Variants in GALNT9 observed in about 807,000 individuals in gnomAD.
The protein encoded by GALNT9 is GalNAc transferase 9.
A neutral mutation model predicts 63.1 loss-of-function variants in GALNT9; 47 were observed. The ratio of observed to expected loss-of-function variants is 0.75; its 90% CI spans 0.59 to 0.95. The LOEUF (loss-of-function observed/expected upper bound fraction) is 0.95, where lower values mean the gene tolerates loss of function less well. GALNT9 is among the 40% of genes least tolerant of loss of function. The pLI, the probability that GALNT9 is intolerant of heterozygous loss-of-function variation, is 0.00. For synonymous variants in GALNT9, 396 were observed against 365.7 expected (o/e 1.08, Z -0.94); for missense variants, 829 against 874.8 (o/e 0.95, Z 0.66).
intron 6 of GALNT9, among the ~76,000 whole-genome samples, chr12:132,217,676 T>TC (rs1877271122): frequency 6.9e-6 from 1 of 145,668 alleles, no homozygotes; most frequent in African/African-American, 2.6e-5. Flanking sequence ...TATCCATCCA[T>TC]CTACCTACTC....
chr12:132,317,766 C>G (rs1321584509), intron 1 of GALNT9, among the ~76,000 whole-genome samples: 1 of 152,196 alleles, frequency 6.6e-6, no homozygotes, highest in Non-Finnish European at 1.5e-5. Flanking sequence ...CCAGCCTTGT[C>G]CCTTCCAACC....
At position 132,329,035 on chromosome 12, in the gene GALNT9, G is replaced by T; in HGVS notation, c.169C>A (p.Leu57Met). 2 of 1,545,526 alleles carry T rather than the reference G, an allele frequency of 1.3e-6. No homozygotes were observed. The highest frequency in any genetic ancestry group is 1.7e-6 in the Non-Finnish European group (2 of 1,146,118). Residue 57 changes from leucine to methionine, a missense_variant, in exon 1 of 11, where the codon CTG (leucine) becomes ATG (methionine). Transcript: ENST00000328957. ...VRSRHAKVGT[L>M]GDREAILQRL... The stretch of plus-strand genomic sequence containing the variant: ...TGCAGGATGGCCTCACGGTCCCCCA[G>T]CGTGCCCACCTTGGCGTGTCGGCTG...
chr12:132,262,804 TG>T (rs1399107829), intron 2 of GALNT9, among the ~76,000 whole-genome samples, 179 bp from the exon 3 acceptor site: 1 of 128,382 alleles, frequency 7.8e-6, no homozygotes, highest in African/African-American at 3.8e-5. Context: ...GTTTGGGGTG[TG>T]GTCAGGGCGC....
At chr12:132,328,762 G>T (rs920353610) in intron 1 of GALNT9, among the ~76,000 whole-genome samples, 2 of 152,250 alleles carry the variant, frequency 1.3e-5, no homozygotes, top group Non-Finnish European at 2.9e-5. Flanking sequence ...CACTGGAGGG[G>T]TGGGTGCCCG....
intron 6 of GALNT9, among the ~76,000 whole-genome samples, chr12:132,208,444 C>A (rs935647860): frequency 6.6e-6 from 1 of 152,266 alleles, no homozygotes; most frequent in Non-Finnish European, 1.5e-5. Context: ...GACGCTATCA[C>A]CCTAGGCCTT....
chr12:132,321,418 T>C (rs1467064963), intron 1 of GALNT9, among the ~76,000 whole-genome samples: 2 of 152,120 alleles, frequency 1.3e-5, no homozygotes, highest in East Asian at 3.9e-4. Context: ...CCACCAGAGA[T>C]GGGACCTCAG....
chr12:132,253,096 A>C (rs1228147130), intron 5 of GALNT9, among the ~76,000 whole-genome samples: 1 of 152,188 alleles, frequency 6.6e-6, no homozygotes, highest in Non-Finnish European at 1.5e-5. Context: ...GTTTTCTTCT[A>C]TGCACTTATA....
chr12:132,224,911 A>G (rs1378206929), intron 6 of GALNT9, among the ~76,000 whole-genome samples: 3 of 143,304 alleles, frequency 2.1e-5, no homozygotes, highest in Non-Finnish European at 4.6e-5. Context: ...CACACTGTAT[A>G]TACACGTGCC....
chr12:132,257,756 G>A lies in GALNT9; in HGVS notation c.892C>T (p.Leu298Phe). The change falls in exon 5 of 11, where the codon CTC becomes TTC. Residue 298 changes from leucine (L) to phenylalanine (F), a missense_variant. By Grantham distance (22) the Leu-to-Phe change is conservative. Coordinates refer to ENST00000328957, the MANE Select transcript of GALNT9 (RefSeq NM_001122636.2). ...GGGGGGATGATGTACATGCACCAGA[G>A]GCCCCAGTTGTAGCCATGGGCGGCG... The part of the protein sequence containing the change: ...ANAAHGYNWG[L>F]WCMYIIPPQD... The A allele has an allele frequency of 6.4e-7, 1 of 1,550,504 alleles. No homozygotes were observed. Among genetic ancestry groups the A allele is most frequent in the Non-Finnish European group, 8.7e-7 (1 of 1,146,834 alleles).
In GALNT9 at chr12:132,212,188, C is replaced by T. The variant is rs528239900; in HGVS notation, c.1078-8498G>A. Among the ~76,000 whole-genome samples the T allele has an allele frequency of 8.8e-5, 13 of 148,136 alleles. No individual in the cohort carries two copies. In the East Asian group the frequency reaches 1.6e-3, roughly 18 times the overall value. ...ACGGAAACCCCACCCGGGTCTGCAG[C>T]CTTCAGACCTCGACACGGAAACCCC... On this transcript the variant is annotated intron_variant, in intron 6 of 10. Coordinates refer to ENST00000328957, the MANE Select transcript of GALNT9 (RefSeq NM_001122636.2).
At chr12:132,262,218 A>G (rs1409554294) in intron 3 of GALNT9, among the ~76,000 whole-genome samples, 2 of 152,204 alleles carry the variant, frequency 1.3e-5, no homozygotes. Context: ...ATGCAGACAC[A>G]TGGGAGAGGC....
chr12:132,248,893 T>A (rs1357451379), intron 5 of GALNT9, among the ~76,000 whole-genome samples: 1 of 152,114 alleles, frequency 6.6e-6, no homozygotes, highest in Non-Finnish European at 1.5e-5. Flanking sequence ...TGGACAGCAG[T>A]GGTGAAGGCA....
At chr12:132,266,500 C>CA (rs1426516183) in intron 2 of GALNT9, among the ~76,000 whole-genome samples, 1 of 152,216 alleles carries the variant, frequency 6.6e-6, no homozygotes, top group Non-Finnish European at 1.5e-5. Context: ...CACGGAGGCC[C>CA]AGGCAGGAGG....
At position 132,315,395 on chromosome 12, in the gene GALNT9, C is replaced by G. The variant is rs996537937; in HGVS notation, c.238+13571G>C. ...CCGTGTCCACTGCAAAGTGCTCGAGCCTCAGAATATTAACAGGCATTTTCC... is the reference window on the plus strand; with the variant it reads ...CCGTGTCCACTGCAAAGTGCTCGAGGCTCAGAATATTAACAGGCATTTTCC... On this transcript the variant is annotated intron_variant, in intron 1 of 10. Coordinates refer to ENST00000328957, the MANE Select transcript of GALNT9 (RefSeq NM_001122636.2). The surrounding 1 kb of genome is among the most constrained non-coding windows in gnomAD (Gnocchi z 6.1). 8.5e-5 allele frequency among the ~76,000 whole-genome samples: 13 copies of G among 152,180 alleles called. No homozygotes were observed. The highest frequency in any genetic ancestry group is 3.1e-4 in the African/African-American group (13 of 41,488).
intron 6 of GALNT9, among the ~76,000 whole-genome samples, chr12:132,211,838 A>T (rs1876966687): frequency 6.6e-6 from 1 of 152,204 alleles, no homozygotes; most frequent in Admixed American, 6.5e-5. Context: ...CTTGGTCCCC[A>T]ACAGCAGGCC....
At chr12:132,290,949 A>G (rs1370775862) in intron 1 of GALNT9, among the ~76,000 whole-genome samples, 9 of 43,334 alleles carry the variant, frequency 2.1e-4, no homozygotes, top group South Asian at 1.2e-3. Flanking sequence ...CACCACCCAC[A>G]TCCACAGCGC....
Position 132,286,449 on chromosome 12 carries a change from G to A in GALNT9, c.239-19C>T, listed in dbSNP as rs1555242212. 8.4e-6 allele frequency: 13 copies of A among 1,543,924 alleles called. No homozygotes were observed. The South Asian group carries it at 1.1e-4, about 13-fold the overall frequency. On this transcript the variant is annotated intron_variant, in intron 1 of 10. Transcript: ENST00000328957. The surrounding 1 kb of genome is among the most constrained non-coding windows in gnomAD (Gnocchi z 7.4). ...GCAAGGCCTGGGGGAAAGGAAGAGA[G>A]GGAGGTCAGGCAGGCCCAGGACACG...
rs553185930 is a variant in GALNT9 at position 132,217,142 on chromosome 12, C to A, written c.1078-13452G>T. On this transcript the variant is annotated intron_variant, in intron 6 of 10. Transcript: ENST00000328957. The stretch of plus-strand genomic sequence containing the variant: ...ATCCACCCATTTACCCATCTACTCA[C>A]TTATTCACCCACCTAGCCACTATCT... Among the ~76,000 whole-genome samples, 3 of 152,290 alleles carry A rather than the reference C, an allele frequency of 2.0e-5. No individual in the cohort carries two copies. The East Asian group carries it at 5.8e-4, about 29-fold the overall frequency.
At chr12:132,235,250 G>T (rs1416376047) in intron 6 of GALNT9, among the ~76,000 whole-genome samples, 1 of 151,890 alleles carries the variant, frequency 6.6e-6, no homozygotes, top group Non-Finnish European at 1.5e-5. Flanking sequence ...CAGAGTGTGT[G>T]GGGCAGAGGA....
Sources: gnomAD v4.1 joint callset for allele counts (sites outside exome capture counted in the v4.1 genomes callset) on GRCh38, gnomAD v4.1.1 for gene constraint, Gnocchi (gnomAD v3.1) non-coding constraint, MANE v1.5 for transcripts, NCBI Gene and HGNC (gene_info 2026-07-23, HGNC 2026-07-21) for gene names.